The following DRC7 variants were observed in gnomAD, a reference collection of about 807,000 sequenced individuals.
DRC7 encodes coiled-coil domain containing 135.
In DRC7, 80 loss-of-function variants were observed where a neutral mutation model predicts 104.4. The observed-to-expected ratio is 0.77, with a 90% CI of 0.64 to 0.92. DRC7 has a LOEUF of 0.92. DRC7 is among the 40% of genes least tolerant of loss of function. The pLI is 0.00. For synonymous variants in DRC7, 405 were observed against 447.3 expected, an observed-to-expected ratio of 0.91 and a Z score of 1.19; for missense variants, 1,034 against 1,141.1, an observed-to-expected ratio of 0.91 and a Z score of 1.35.
Position 57,707,638 on chromosome 16 carries a change from A to T in DRC7, c.1037A>T (p.Asn346Ile), listed in dbSNP as rs780810092. The stretch of plus-strand genomic sequence containing the variant: ...ATCGAAAGCCTGTGGAACCACAAGA[A>T]CTACTGGATCAACATGCAGGATTGC... Reference protein sequence around the residue: ...LGIESLWNHKNYWINMQDCWN... With the variant: ...LGIESLWNHKIYWINMQDCWN... The change falls in exon 8 of 19, where the codon AAC becomes ATC. Residue 346 changes from asparagine (N) to isoleucine (I), a missense_variant. Asn to Ile is a moderately radical substitution (Grantham distance 149). Coordinates refer to ENST00000360716, the MANE Select transcript of DRC7 (RefSeq NM_001289162.2). 3.1e-6 allele frequency: 5 copies of T among 1,613,538 alleles called. No individual in the cohort carries two copies. The highest frequency in any genetic ancestry group is 4.2e-6 in the Non-Finnish European group (5 of 1,180,004).
chr16:57,729,235 T>G (rs1597815518), intron 17 of DRC7, among the ~76,000 whole-genome samples: 1 of 136,790 alleles, frequency 7.3e-6, no homozygotes, highest in East Asian at 2.3e-4. Context: ...GGTGGGTGGG[T>G]GGATAGATGA....
At chr16:57,704,421 C>T (rs1388429524) in intron 6 of DRC7, among the ~76,000 whole-genome samples, 1 of 150,880 alleles carries the variant, frequency 6.6e-6, no homozygotes, top group African/African-American at 2.5e-5. Flanking sequence ...TCTTCTCCTT[C>T]CTGGCCCAGC....
chr16:57,715,011 G>T, intron 8 of DRC7: 1 of 269,928 alleles, frequency 3.7e-6, no homozygotes. Flanking sequence ...CCAAATTATG[G>T]GAGACAATGT....
In DRC7 at chr16:57,730,608, G is replaced by A. The variant is rs143595089; in HGVS notation, c.2392-323G>A. 4.2e-4 allele frequency among the ~76,000 whole-genome samples: 64 copies of A among 152,166 alleles called. 1 individual carries two copies. The East Asian group carries it at 0.012, about 28-fold the overall frequency. The stretch of plus-strand genomic sequence containing the variant: ...AGGAGCTCTACAAGGGGAGGGGGGA[G>A]TACAATGACCCTCCTTTTGTAGACA... On this transcript the variant is annotated intron_variant, in intron 17 of 18. Transcript: ENST00000360716.
At chr16:57,709,887 C>T (rs546438355) in intron 8 of DRC7, among the ~76,000 whole-genome samples, 25 of 152,266 alleles carry the variant, frequency 1.6e-4, no homozygotes, top group African/African-American at 5.1e-4. Context: ...CTCAGCCTCC[C>T]GAGTAGCTGG....
At chr16:57,715,742 C>T (rs540690354) in intron 8 of DRC7, among the ~76,000 whole-genome samples, 2 of 152,214 alleles carry the variant, frequency 1.3e-5, no homozygotes, top group African/African-American at 2.4e-5. Flanking sequence ...CTGCCCTCCC[C>T]CAGGGCCTGG....
intron 10 of DRC7, 48 bp downstream of exon 10, chr16:57,721,787 G>A (rs2048905758): frequency 6.7e-7 from 1 of 1,487,860 alleles, no homozygotes; most frequent in South Asian, 1.2e-5. Context: ...TCCAGTTCCT[G>A]GGCCTCCAGA....
At chr16:57,696,328 CT>C (rs1201550062) in intron 1 of DRC7, 135 bp from the exon 2 acceptor site, 1 of 152,314 alleles carries the variant, frequency 6.6e-6, no homozygotes, top group Admixed American at 6.5e-5. Context: ...TAGCAGGCAG[CT>C]TTAGCCCTCA....
At chr16:57,716,670 G>A (rs553679822) in intron 8 of DRC7, among the ~76,000 whole-genome samples, 3 of 152,098 alleles carry the variant, frequency 2.0e-5, no homozygotes, top group East Asian at 1.9e-4. Context: ...ACGAGCTAGG[G>A]CAGAGAAATA....
intron 8 of DRC7, among the ~76,000 whole-genome samples, chr16:57,715,746 G>T (rs1463839559): frequency 1.3e-5 from 2 of 152,174 alleles, no homozygotes; most frequent in Non-Finnish European, 2.9e-5. Context: ...CCTCCCCCAG[G>T]GCCTGGGCTC....
intron 16 of DRC7, among the ~76,000 whole-genome samples, chr16:57,727,813 C>T (rs927576256): frequency 7.2e-5 from 11 of 152,350 alleles, no homozygotes; most frequent in Admixed American, 1.3e-4. Context: ...TGCAAGGCCC[C>T]GCCTGGTTTT....
At chr16:57,728,980 G>A (rs1485505635) in intron 17 of DRC7, among the ~76,000 whole-genome samples, 2 of 151,362 alleles carry the variant, frequency 1.3e-5, no homozygotes, top group Non-Finnish European at 2.9e-5. Flanking sequence ...ATGGATGGGA[G>A]GATGAATGGA....
chr16:57,712,703 T>C (rs1306865931), intron 8 of DRC7, among the ~76,000 whole-genome samples: 3 of 152,108 alleles, frequency 2.0e-5, no homozygotes, highest in Non-Finnish European at 2.9e-5. Context: ...GTTTCGCTCT[T>C]GTTGCCCAGG....
Position 57,727,396 on chromosome 16 carries a change from A to G in DRC7, c.2183A>G (p.Tyr728Cys). Residue 728 changes from tyrosine to cysteine, a missense_variant, in exon 16 of 19, where the codon TAT becomes TGT. Tyr to Cys is a radical substitution (Grantham distance 194, BLOSUM62 -2). Coordinates refer to ENST00000360716, the MANE Select transcript of DRC7 (RefSeq NM_001289162.2). Reference sequence around the variant, plus strand: ...AAGCGGAATGAGAAGAGCAAGGAATATCGGGAGGCCATGGTCAGTCCCAAT... The same window carrying G: ...AAGCGGAATGAGAAGAGCAAGGAATGTCGGGAGGCCATGGTCAGTCCCAAT... The part of the protein sequence containing the change: ...DTKRNEKSKE[Y>C]REAMERMMHE... 6.2e-7 allele frequency: 1 copy of G among 1,612,832 alleles called. No individual in the cohort carries two copies. The highest frequency in any genetic ancestry group is 8.5e-7 in the Non-Finnish European group (1 of 1,179,400).
At chr16:57,730,229 A>G (rs1222894734) in intron 17 of DRC7, among the ~76,000 whole-genome samples, 1 of 127,184 alleles carries the variant, frequency 7.9e-6, no homozygotes, top group Admixed American at 8.3e-5. Flanking sequence ...GGATGGATGG[A>G]TGGATGAATG....
chr16:57,720,629 T>TGGACCCCCAGGAAAAACC (rs1335515630), intron 9 of DRC7, among the ~76,000 whole-genome samples: 38 of 152,324 alleles, frequency 2.5e-4, no homozygotes, highest in Middle Eastern at 3.4e-3. Context: ...AACCCAGTCA[T>TGGACCCCCAGGAAAAACC]GGACCCCCAG....
chr16:57,703,454 C>T (rs978099226), intron 6 of DRC7, among the ~76,000 whole-genome samples: 11 of 152,118 alleles, frequency 7.2e-5, no homozygotes, highest in South Asian at 2.1e-4. Context: ...TGTGGGTGTC[C>T]GCAGCTTGGA....
chr16:57,723,162 G>A (rs2048924217), intron 12 of DRC7, 32 bp downstream of exon 12: 2 of 1,609,170 alleles, frequency 1.2e-6, no homozygotes, highest in African/African-American at 1.3e-5. Context: ...GGCCACCCAG[G>A]AGCCTGGGGT....
chr16:57,722,531 G>A (rs2048914494), intron 10 of DRC7, among the ~76,000 whole-genome samples, 182 bp from the exon 11 acceptor site: 1 of 152,156 alleles, frequency 6.6e-6, no homozygotes, highest in South Asian at 2.1e-4. Flanking sequence ...CCTGGCCTGA[G>A]AACCCCTCTA....
Sources: gnomAD v4.1 joint callset for allele counts (sites outside exome capture counted in the v4.1 genomes callset) on GRCh38, gnomAD v4.1.1 for gene constraint, MANE v1.5 for transcripts, NCBI Gene and HGNC (gene_info 2026-07-23, HGNC 2026-07-21) for gene names.